MCUB: variants seen among roughly 807,000 people sequenced by gnomAD.
The protein encoded by MCUB is mitochondrial calcium uniporter dominant negative subunit beta, also known as calcium uniporter regulatory subunit MCUb, mitochondrial.
A neutral mutation model predicts 41.4 loss-of-function variants in MCUB; 46 were observed. The ratio of observed to expected loss-of-function variants is 1.11; its 90% CI spans 0.88 to 1.42. The LOEUF (loss-of-function observed/expected upper bound fraction) is 1.42. Ranked by LOEUF, MCUB falls within the 40% of genes most tolerant of loss-of-function variation. The probability of loss-of-function intolerance (pLI) is 0.00; values close to 1 mark genes in which losing one functional copy is unlikely to be tolerated. For missense variants in MCUB, 403 were observed against 404.9 expected, an observed-to-expected ratio of 1.00 and a Z score of 0.04; for synonymous variants, 148 against 148.2, an observed-to-expected ratio of 1.00 and a Z score of 0.01.
At chr4:109,643,965 A>C (rs1353909642) in intron 1 of MCUB, among the ~76,000 whole-genome samples, 1 of 152,210 alleles carries the variant, frequency 6.6e-6, no homozygotes, top group Non-Finnish European at 1.5e-5. Context: ...CGAGTAAAAA[A>C]ATGTTAAACA....
chr4:109,642,893 A>ATTTTT (rs34076028), intron 1 of MCUB, among the ~76,000 whole-genome samples: 1 of 111,132 alleles, frequency 9.0e-6, no homozygotes, highest in African/African-American at 3.4e-5. Flanking sequence ...TCTCAGCTAG[A>ATTTTT]TTTTTTTTTT....
At chr4:109,670,676 A>T (rs950324929) in intron 4 of MCUB, among the ~76,000 whole-genome samples, 2 of 151,658 alleles carry the variant, frequency 1.3e-5, no homozygotes, top group African/African-American at 4.9e-5. Flanking sequence ...AGATCATGTC[A>T]TTGCACTCCA....
chr4:109,621,607 C>T lies in MCUB; in HGVS notation c.100-37404C>T, dbSNP rs187430214. Among the ~76,000 whole-genome samples the T allele has an allele frequency of 2.3e-3, 344 of 152,242 alleles. 3 individuals are homozygous for T. The highest frequency in any genetic ancestry group is 1.8e-3 in the Non-Finnish European group (125 of 68,026). Reference sequence around the variant, plus strand: ...ATTATCATACCCTGAGAGAAAGGAACGTAATGTTCTACAGTGGCCGTACAC... The same window carrying T: ...ATTATCATACCCTGAGAGAAAGGAATGTAATGTTCTACAGTGGCCGTACAC... On this transcript the variant is annotated intron_variant, in intron 1 of 7. Transcript: ENST00000394650.
At chr4:109,602,223 G>A (rs1041874917) in intron 1 of MCUB, among the ~76,000 whole-genome samples, 2 of 152,178 alleles carry the variant, frequency 1.3e-5, no homozygotes, top group Non-Finnish European at 2.9e-5. Context: ...TTAACTTGAT[G>A]TGAGTCCATT....
At chr4:109,614,355 A>C (rs1371282799) in intron 1 of MCUB, among the ~76,000 whole-genome samples, 1 of 152,052 alleles carries the variant, frequency 6.6e-6, no homozygotes, top group Admixed American at 6.6e-5. Context: ...GCCTCAATGG[A>C]GGCTTTTGGA....
chr4:109,580,990 A>G (rs1727159454), intron 1 of MCUB, among the ~76,000 whole-genome samples: 1 of 152,226 alleles, frequency 6.6e-6, no homozygotes, highest in South Asian at 2.1e-4. Flanking sequence ...ATCCCCATCA[A>G]TCTACCAATG....
At chr4:109,624,785 C>G (rs764367815) in intron 1 of MCUB, among the ~76,000 whole-genome samples, 5 of 152,146 alleles carry the variant, frequency 3.3e-5, no homozygotes, top group Non-Finnish European at 5.9e-5. Flanking sequence ...ACACACAGTA[C>G]AGGATGCTCT....
At chr4:109,573,866 AAT>A (rs1726969249) in intron 1 of MCUB, among the ~76,000 whole-genome samples, 1 of 133,262 alleles carries the variant, frequency 7.5e-6, no homozygotes, top group African/African-American at 3.0e-5. Context: ...AAAAGGGTTG[AAT>A]TTTTTTTTTT....
chr4:109,641,734 A>G (rs1728719714), intron 1 of MCUB, among the ~76,000 whole-genome samples: 1 of 152,222 alleles, frequency 6.6e-6, no homozygotes, highest in Non-Finnish European at 1.5e-5. Context: ...GTATACTGCC[A>G]TTTCATTTGT....
chr4:109,599,403 C>T (rs1579058639), intron 1 of MCUB, among the ~76,000 whole-genome samples: 1 of 151,760 alleles, frequency 6.6e-6, no homozygotes, highest in Non-Finnish European at 1.5e-5. Context: ...GCAACCTTTA[C>T]TCTTTTTTCT....
intron 1 of MCUB, among the ~76,000 whole-genome samples, chr4:109,617,842 C>G (rs1384079471): frequency 6.6e-6 from 1 of 152,126 alleles, no homozygotes; most frequent in Non-Finnish European, 1.5e-5. Context: ...CTCTTTTGAT[C>G]TCTTTTTATA....
intron 1 of MCUB, among the ~76,000 whole-genome samples, chr4:109,592,747 A>G (rs1343969024): frequency 1.3e-5 from 2 of 152,250 alleles, no homozygotes; most frequent in East Asian, 3.8e-4. Context: ...TAAATGAAAT[A>G]CATGTATCCT....
intron 1 of MCUB, among the ~76,000 whole-genome samples, chr4:109,652,668 C>G (rs1728987232): frequency 6.6e-6 from 1 of 152,174 alleles, no homozygotes; most frequent in African/African-American, 2.4e-5. Context: ...GTGGAGCCCT[C>G]ATGACCTAAG....
At chr4:109,665,387 A>G (rs766717609) in intron 4 of MCUB, among the ~76,000 whole-genome samples, 2 of 152,212 alleles carry the variant, frequency 1.3e-5, no homozygotes, top group Non-Finnish European at 2.9e-5. Flanking sequence ...CAATTAGCCT[A>G]TGGTAAAATT....
At chr4:109,589,188 G>A (rs762567130) in intron 1 of MCUB, among the ~76,000 whole-genome samples, 1 of 152,208 alleles carries the variant, frequency 6.6e-6, no homozygotes, top group Non-Finnish European at 1.5e-5. Flanking sequence ...TCTTTACTCA[G>A]TTCTTTTGCC....
intron 1 of MCUB, among the ~76,000 whole-genome samples, chr4:109,567,343 T>G (rs750983805): frequency 2.0e-5 from 3 of 152,072 alleles, no homozygotes; most frequent in Non-Finnish European, 4.4e-5. Context: ...GATAAGTCCT[T>G]CTTGTTTTTT....
At chr4:109,587,480 G>T (rs1202633842) in intron 1 of MCUB, among the ~76,000 whole-genome samples, 1 of 152,310 alleles carries the variant, frequency 6.6e-6, no homozygotes, top group African/African-American at 2.4e-5. Flanking sequence ...TGTCCAACCA[G>T]TCCCAATGAG....
intron 1 of MCUB, among the ~76,000 whole-genome samples, chr4:109,607,466 C>A (rs756822764): frequency 1.3e-5 from 2 of 152,182 alleles, no homozygotes; most frequent in Non-Finnish European, 2.9e-5. Flanking sequence ...GATCCGCCTG[C>A]CTTGGCCTCC....
At chr4:109,664,759 A>G (rs1729307691) in intron 4 of MCUB, among the ~76,000 whole-genome samples, 1 of 152,164 alleles carries the variant, frequency 6.6e-6, no homozygotes. Flanking sequence ...AAGCTTTTCC[A>G]GCAGGGGTAT....
Sources: allele counts gnomAD v4.1 joint callset (sites outside exome capture counted in the v4.1 genomes callset), GRCh38; gene constraint gnomAD v4.1.1; transcripts MANE v1.5; gene names NCBI Gene and HGNC (gene_info 2026-07-23, HGNC 2026-07-21).